Variants in CREG2 observed in about 807,000 individuals in gnomAD.
The protein encoded by CREG2 is cellular repressor of E1A stimulated genes 2.
In CREG2, 24 loss-of-function variants were observed where a neutral mutation model predicts 26.2. That is an observed-to-expected ratio of 0.92 (90% CI 0.66 to 1.29). The LOEUF is 1.29. CREG2 is among the 50% of genes most tolerant of loss of function. The pLI is 0.00. For missense variants in CREG2, 366 were observed against 398.6 expected, an observed-to-expected ratio of 0.92 and a Z score of 0.70; for synonymous variants, 174 against 169.2, an observed-to-expected ratio of 1.03 and a Z score of -0.22.
intron 2 of CREG2, among the ~76,000 whole-genome samples, chr2:101,379,816 T>C (rs1684843240): frequency 6.6e-6 from 1 of 152,226 alleles, no homozygotes; most frequent in Non-Finnish European, 1.5e-5. Flanking sequence ...ATTCTGTTGC[T>C]TTTCCTCAGG....
intron 2 of CREG2, chr2:101,382,635 G>A: frequency 1.0e-6 from 1 of 985,376 alleles, no homozygotes. Flanking sequence ...GGAAACAATG[G>A]CTTATCCAGG....
intron 2 of CREG2, among the ~76,000 whole-genome samples, chr2:101,357,070 G>C (rs2104471397): frequency 6.6e-6 from 1 of 152,302 alleles, no homozygotes; most frequent in South Asian, 2.1e-4. Flanking sequence ...TGTAGTTTTA[G>C]TAGAGACGGG....
At chr2:101,376,712 C>A (rs913860462) in intron 2 of CREG2, among the ~76,000 whole-genome samples, 4 of 152,162 alleles carry the variant, frequency 2.6e-5, no homozygotes, top group African/African-American at 9.7e-5. Context: ...ATGATACGAG[C>A]TTTTGCCTTT....
chr2:101,363,599 G>A (rs1031843962), intron 2 of CREG2, among the ~76,000 whole-genome samples: 16 of 152,114 alleles, frequency 1.1e-4, no homozygotes, highest in African/African-American at 3.1e-4. Context: ...GATGTATTAC[G>A]TTTTTTGAGG....
At chr2:101,366,124 C>A in intron 2 of CREG2, among the ~76,000 whole-genome samples, 1 of 152,082 alleles carries the variant, frequency 6.6e-6, no homozygotes, top group East Asian at 1.9e-4. Context: ...CTTAGGAAAA[C>A]CATAAAAGAA....
chr2:101,356,371 C>T (rs1048451891), intron 2 of CREG2, among the ~76,000 whole-genome samples: 1 of 152,166 alleles, frequency 6.6e-6, no homozygotes, highest in East Asian at 1.9e-4. Flanking sequence ...TTGCCAGGGG[C>T]CCTGCCCTCC....
chr2:101,387,163 CG>C lies in CREG2; in HGVS notation c.294del (p.Ala99ArgfsTer77), dbSNP rs1684985480. 3.9e-6 allele frequency: 5 copies of C among 1,273,608 alleles called. 1 individual carries two copies. The highest frequency in any genetic ancestry group is 5.5e-5 in the South Asian group (2 of 36,512). 78.9% of individuals were successfully genotyped at this position (1,273,608 alleles called of 1,614,324 possible). Reference protein sequence around the residue: ...RAGAARARPPPAPPGMFSYRR... With the variant: ...RAGAARARPPXAPPGMFSYRR... ...CGGTAGGAGAACATCCCGGGTGGCG[CG>C]GGGGGCGGCCTGGCCCGGGCGGCGC... On this transcript the variant is annotated frameshift_variant, in exon 1 of 4. Coordinates refer to ENST00000324768, the MANE Select transcript of CREG2 (RefSeq NM_153836.4). LOFTEE classifies it high-confidence loss of function. This position sits in a 1 kb window ranked among gnomAD's most constrained non-coding sequence, Gnocchi z 4.7.
chr2:101,351,173 C>T (rs1684376181), intron 3 of CREG2, 103 bp from the exon 4 acceptor site: 10 of 1,121,634 alleles, frequency 8.9e-6, no homozygotes, highest in Non-Finnish European at 1.1e-5. Flanking sequence ...TTTGGGCTGA[C>T]AGCTGCTCAC....
chr2:101,362,647 T>TAA (rs1200661920), intron 2 of CREG2, among the ~76,000 whole-genome samples: 2 of 152,208 alleles, frequency 1.3e-5, no homozygotes, highest in Non-Finnish European at 2.9e-5. Flanking sequence ...CTTACTTATT[T>TAA]CATTTGTGTT....
chr2:101,378,779 C>T (rs530016019), intron 2 of CREG2, among the ~76,000 whole-genome samples: 8 of 152,076 alleles, frequency 5.3e-5, no homozygotes, highest in South Asian at 2.1e-4. Context: ...GAGGCTGAGG[C>T]GGGGGGATCA....
chr2:101,360,934 A>G (rs1684529623), intron 2 of CREG2, among the ~76,000 whole-genome samples: 1 of 152,210 alleles, frequency 6.6e-6, no homozygotes, highest in African/African-American at 2.4e-5. Context: ...AAATTGTAAG[A>G]AGAAACTGAA....
chr2:101,368,454 A>G (rs1438481937), intron 2 of CREG2, among the ~76,000 whole-genome samples: 3 of 152,206 alleles, frequency 2.0e-5, no homozygotes, highest in Admixed American at 1.3e-4. Context: ...AAATGGCCCC[A>G]CACTGTGCTC....
At chr2:101,355,943 C>T (rs998000844) in intron 2 of CREG2, among the ~76,000 whole-genome samples, 1 of 152,134 alleles carries the variant, frequency 6.6e-6, no homozygotes, top group Non-Finnish European at 1.5e-5. Context: ...GTGACGTACA[C>T]CCTGCCCTCT....
rs201064714 is a variant in CREG2 at position 101,383,528 on chromosome 2, T to A, written c.611+5A>T. On this transcript the variant is annotated splice_donor_5th_base_variant and intron_variant, in intron 2 of 3. Coordinates refer to ENST00000324768, the MANE Select transcript of CREG2 (RefSeq NM_153836.4). ...CCGTGTGAGTGAGGGCAAACCGTCG[T>A]CTACCTGCAGAACTCCCCTTCTGAT... 2.7e-5 allele frequency: 43 copies of A among 1,613,552 alleles called. No homozygotes were observed. In the Middle Eastern group the frequency reaches 7.2e-4, roughly 27 times the overall value.
chr2:101,357,130 G>T (rs1364557444), intron 2 of CREG2, among the ~76,000 whole-genome samples: 4 of 151,996 alleles, frequency 2.6e-5, no homozygotes, highest in Admixed American at 1.3e-4. Context: ...CCTGTGATTC[G>T]CCCGCCTCAG....
Position 101,345,686 on chromosome 2 carries a change from A to C in CREG2, c.*5237T>G, listed in dbSNP as rs768103113. On this transcript the variant is annotated 3_prime_UTR_variant, in exon 4 of 4. Transcript: ENST00000324768. Reference sequence around the variant, plus strand: ...ATGGCACAAATAATCACATCATTACAATTCAAATTGTACAATAATTGACTT... The same window carrying C: ...ATGGCACAAATAATCACATCATTACCATTCAAATTGTACAATAATTGACTT... The C allele has an allele frequency of 1.3e-5, 2 of 152,242 alleles. No homozygotes were observed. The highest frequency in any genetic ancestry group is 2.9e-5 in the Non-Finnish European group (2 of 68,038). 9.4% of individuals were successfully genotyped at this position (152,242 alleles called of 1,614,324 possible).
chr2:101,367,003 G>A (rs1429483539), intron 2 of CREG2, among the ~76,000 whole-genome samples: 2 of 152,092 alleles, frequency 1.3e-5, no homozygotes, highest in Non-Finnish European at 2.9e-5. Context: ...GAGCATCCAC[G>A]GATTTTGGCG....
At position 101,350,649 on chromosome 2, in the gene CREG2, A is replaced by G; in HGVS notation, c.*274T>C. ...CAACATGTCATTTTGACCACCAGCTATTATATGATTTCTGAATCGATGAGT... is the reference window on the plus strand; with the variant it reads ...CAACATGTCATTTTGACCACCAGCTGTTATATGATTTCTGAATCGATGAGT... On this transcript the variant is annotated 3_prime_UTR_variant, in exon 4 of 4. Transcript: ENST00000324768. 3.2e-6 allele frequency: 1 copy of G among 310,250 alleles called. No homozygotes were observed. The highest frequency in any genetic ancestry group is 5.9e-6 in the Non-Finnish European group (1 of 169,934). 19.2% of individuals were successfully genotyped at this position (310,250 alleles called of 1,614,324 possible).
At chr2:101,373,889 A>T (rs1005558273) in intron 2 of CREG2, among the ~76,000 whole-genome samples, 1 of 152,186 alleles carries the variant, frequency 6.6e-6, no homozygotes, top group African/African-American at 2.4e-5. Flanking sequence ...TTTTGAGAAC[A>T]GGGTCTACAC....
Sources: allele counts gnomAD v4.1 joint callset (sites outside exome capture counted in the v4.1 genomes callset), GRCh38; gene constraint gnomAD v4.1.1; non-coding constraint Gnocchi (gnomAD v3.1); transcripts MANE v1.5; gene names NCBI Gene and HGNC (gene_info 2026-07-23, HGNC 2026-07-21).